Variants in MBD5 observed in about 807,000 individuals in gnomAD.
MBD5 encodes the protein methyl-CpG-binding domain protein 5.
In MBD5, 13 loss-of-function variants were observed where a neutral mutation model predicts 117.3. The ratio of observed to expected loss-of-function variants is 0.11; its 90% CI spans 0.07 to 0.18. The LOEUF (loss-of-function observed/expected upper bound fraction) is 0.18. Ranked by LOEUF, MBD5 falls within the 10% of genes least tolerant of loss-of-function variation. MBD5 has a pLI of 1.00. For synonymous variants in MBD5, 727 were observed against 766.4 expected, an observed-to-expected ratio of 0.95 and a Z score of 0.85; for missense variants, 1,879 against 2,093.8, an observed-to-expected ratio of 0.90 and a Z score of 2.00.
chr2:148,134,104 C>T (rs1271799638), intron 1 of MBD5, among the ~76,000 whole-genome samples: 2 of 151,882 alleles, frequency 1.3e-5, no homozygotes, highest in Non-Finnish European at 2.9e-5. Flanking sequence ...CTGCTGATGG[C>T]CGTGTATTAG....
At chr2:148,034,124 G>C (rs1482691257) in intron 1 of MBD5, among the ~76,000 whole-genome samples, 2 of 152,122 alleles carry the variant, frequency 1.3e-5, no homozygotes, top group African/African-American at 4.8e-5. Context: ...AAGCCTGCGA[G>C]GTCAAGGCTG....
At chr2:148,040,703 C>A (rs1011899764) in intron 1 of MBD5, among the ~76,000 whole-genome samples, 1 of 152,062 alleles carries the variant, frequency 6.6e-6, no homozygotes, top group Non-Finnish European at 1.5e-5. Context: ...TTATTTTTGG[C>A]CCCATCCTTA....
rs557828050 is a variant in MBD5, at chr2:148,244,540, A to G, written c.-680+11145A>G. ...AAATTAATTCATTATTTTACTTTGT[A>G]CTTGATCATTTTGTCTTTGTATGTT... is the stretch of plus-strand genomic sequence containing the variant. On this transcript the variant is annotated intron_variant, in intron 3 of 13. Transcript: ENST00000642680. Among the ~76,000 whole-genome samples the G allele has an allele frequency of 2.6e-5, 4 of 152,286 alleles. No homozygotes were observed. In the South Asian group the frequency reaches 6.2e-4, roughly 24 times the overall value.
At chr2:148,109,636 T>C (rs964974050) in intron 1 of MBD5, among the ~76,000 whole-genome samples, 5 of 152,158 alleles carry the variant, frequency 3.3e-5, no homozygotes. Flanking sequence ...GTTAAAAGTA[T>C]CCAAGCTCAT....
intron 3 of MBD5, among the ~76,000 whole-genome samples, chr2:148,334,029 T>A (rs1412026916): frequency 6.6e-6 from 1 of 152,236 alleles, no homozygotes; most frequent in Non-Finnish European, 1.5e-5. Flanking sequence ...TTTTGTTTAT[T>A]TATTTATTTA....
At chr2:148,207,358 T>C (rs1425150694) in intron 2 of MBD5, among the ~76,000 whole-genome samples, 2 of 149,174 alleles carry the variant, frequency 1.3e-5, no homozygotes, top group Non-Finnish European at 3.0e-5. Context: ...TGCAAGGGAG[T>C]GCCTGGGGGA....
intron 1 of MBD5, chr2:148,071,417 A>G (rs1387673413): frequency 6.6e-6 from 1 of 152,004 alleles, no homozygotes; most frequent in Non-Finnish European, 1.5e-5. Flanking sequence ...GTCACTTTAT[A>G]TTCTCATTTA....
At chr2:148,361,778 A>G (rs751893933) in intron 4 of MBD5, among the ~76,000 whole-genome samples, 1 of 152,204 alleles carries the variant, frequency 6.6e-6, no homozygotes, top group Non-Finnish European at 1.5e-5. Flanking sequence ...AGCGAGATCA[A>G]CGCAGAAGGC....
At chr2:148,060,453 A>G (rs1558908336) in intron 1 of MBD5, among the ~76,000 whole-genome samples, 1 of 152,132 alleles carries the variant, frequency 6.6e-6, no homozygotes, top group African/African-American at 2.4e-5. Flanking sequence ...CCTTACCACA[A>G]TAGTGAAGGT....
chr2:148,331,296 C>T (rs1313098608), intron 3 of MBD5, among the ~76,000 whole-genome samples: 1 of 152,024 alleles, frequency 6.6e-6, no homozygotes, highest in East Asian at 1.9e-4. Flanking sequence ...AGTAGTCGTT[C>T]AAGACTTACA....
intron 1 of MBD5, among the ~76,000 whole-genome samples, chr2:148,034,996 T>A (rs928993448): frequency 6.6e-6 from 1 of 152,180 alleles, no homozygotes; most frequent in Non-Finnish European, 1.5e-5. Context: ...CTGTTAAAGT[T>A]CTGAACTTTA....
At chr2:148,188,120 G>A (rs114914185) in intron 2 of MBD5, among the ~76,000 whole-genome samples, 1,869 of 152,254 alleles carry the variant, frequency 0.012, 43 homozygotes, top group African/African-American at 0.042. Context: ...GATCATTGGA[G>A]CATTTCAGAT....
intron 1 of MBD5, among the ~76,000 whole-genome samples, chr2:148,099,435 C>A (rs1696149846): frequency 6.6e-6 from 1 of 151,994 alleles, no homozygotes; most frequent in Non-Finnish European, 1.5e-5. Context: ...GGGAAAAAAG[C>A]AATTAGTACT....
chr2:148,322,201 T>C (rs111413722), intron 3 of MBD5, among the ~76,000 whole-genome samples: 1 of 152,228 alleles, frequency 6.6e-6, no homozygotes, highest in Non-Finnish European at 1.5e-5. Context: ...GGTAATCGGA[T>C]TGACCTGAGA....
chr2:148,306,498 TACTC>T (rs900668154), intron 3 of MBD5, among the ~76,000 whole-genome samples: 2 of 152,138 alleles, frequency 1.3e-5, no homozygotes, highest in Admixed American at 6.5e-5. Flanking sequence ...AAAATAATAA[TACTC>T]AATAATAGTA....
intron 3 of MBD5, among the ~76,000 whole-genome samples, chr2:148,318,294 A>T (rs1028002813): frequency 6.7e-6 from 1 of 150,312 alleles, no homozygotes; most frequent in African/African-American, 2.5e-5. Context: ...CCTACTTCTT[A>T]ATGTTTTTTT....
intron 3 of MBD5, among the ~76,000 whole-genome samples, chr2:148,254,833 G>A (rs1237981284): frequency 1.3e-5 from 2 of 152,112 alleles, no homozygotes; most frequent in Admixed American, 6.5e-5. Context: ...TTGGGCTGGG[G>A]GTACTACATG....
In MBD5 at chr2:148,021,227, T is replaced by TG. The variant is rs1693701295; in HGVS notation, c.-1376dup. ...CACTTCAACCTTGAATTCAGGGGGG[T>TG]GGGGGGAAGGCGGCTGAGTTCCTTC... is the stretch of plus-strand genomic sequence containing the variant. On this transcript the variant is annotated 5_prime_UTR_variant, in exon 1 of 14. Transcript: ENST00000642680. 7.9e-6 allele frequency: 2 copies of TG among 253,542 alleles called. No individual in the cohort carries two copies. Among genetic ancestry groups the TG allele is most frequent in the Non-Finnish European group, 8.1e-6 (1 of 122,716 alleles). The allele number at this position is 253,542 out of a possible 1,614,324, so 15.7% of individuals were successfully genotyped here.
chr2:148,124,610 A>C (rs796640619), intron 1 of MBD5, among the ~76,000 whole-genome samples: 25 of 152,274 alleles, frequency 1.6e-4, no homozygotes, highest in African/African-American at 5.5e-4. Flanking sequence ...AGGGTTTTAA[A>C]AGATAGAAAG....
Sources: gnomAD v4.1 joint callset for allele counts (sites outside exome capture counted in the v4.1 genomes callset) on GRCh38, gnomAD v4.1.1 for gene constraint, MANE v1.5 for transcripts, NCBI Gene and HGNC (gene_info 2026-07-23, HGNC 2026-07-21) for gene names.